DENND5B: variants seen among roughly 807,000 people sequenced by gnomAD.
The protein encoded by DENND5B is DENN domain containing 5B, also known as DENN domain-containing protein 5B.
DENND5B carries 34 observed loss-of-function variants against 140.6 expected under a neutral mutation model. The observed-to-expected ratio is 0.24, with a 90% CI of 0.18 to 0.32. The LOEUF (loss-of-function observed/expected upper bound fraction) is 0.32, where lower values mean the gene tolerates loss of function less well. Ranked by LOEUF, DENND5B falls within the 10% of genes least tolerant of loss-of-function variation. The pLI is 1.00. For missense variants in DENND5B, 1,142 were observed against 1,560.2 expected (o/e 0.73, Z 4.52); for synonymous variants, 551 against 562.1 (o/e 0.98, Z 0.28).
chr12:31,453,428 T>C (rs1944627046), intron 4 of DENND5B, among the ~76,000 whole-genome samples: 1 of 152,210 alleles, frequency 6.6e-6, no homozygotes, highest in Non-Finnish European at 1.5e-5. Flanking sequence ...AAAGTTCTGA[T>C]TATCCCTCAG....
At chr12:31,565,139 G>T (rs989019371) in intron 1 of DENND5B, among the ~76,000 whole-genome samples, 2 of 152,108 alleles carry the variant, frequency 1.3e-5, no homozygotes, top group Non-Finnish European at 2.9e-5. Flanking sequence ...GGGCACAGTG[G>T]CTCATGCCTG....
intron 1 of DENND5B, among the ~76,000 whole-genome samples, chr12:31,528,957 C>T (rs1948182102): frequency 6.6e-6 from 1 of 151,456 alleles, no homozygotes; most frequent in African/African-American, 2.4e-5. Context: ...GGTCAGGAGT[C>T]CAAGAGCAGC....
chr12:31,417,630 C>T (rs1030589566), intron 11 of DENND5B, among the ~76,000 whole-genome samples: 2 of 151,998 alleles, frequency 1.3e-5, no homozygotes, highest in Admixed American at 6.6e-5. Context: ...TTTGTAGAGA[C>T]GGGGTTTTGT....
chr12:31,482,688 C>T (rs1465698932), intron 2 of DENND5B, among the ~76,000 whole-genome samples: 2 of 152,024 alleles, frequency 1.3e-5, no homozygotes, highest in Non-Finnish European at 2.9e-5. Context: ...AAGCAATCCT[C>T]CCGCCTCAGC....
intron 1 of DENND5B, among the ~76,000 whole-genome samples, chr12:31,532,135 A>C (rs918586087): frequency 2.6e-5 from 4 of 152,234 alleles, no homozygotes; most frequent in African/African-American, 7.2e-5. Flanking sequence ...CTGAAGAAAG[A>C]AGCACAGTTT....
intron 1 of DENND5B, among the ~76,000 whole-genome samples, chr12:31,520,694 C>T (rs907270882): frequency 6.6e-6 from 1 of 152,054 alleles, no homozygotes; most frequent in African/African-American, 2.4e-5. Context: ...GTGTGTGCCA[C>T]CATGCCCGGC....
At chr12:31,583,289 C>CT (rs1205799487) in intron 1 of DENND5B, among the ~76,000 whole-genome samples, 14 of 121,844 alleles carry the variant, frequency 1.1e-4, no homozygotes, top group Non-Finnish European at 8.2e-5. Context: ...GAGACTCAGT[C>CT]TTTTAAAAAA....
Position 31,478,588 on chromosome 12 carries a change from C to T in DENND5B, c.904+1001G>A, listed in dbSNP as rs139975315. On this transcript the variant is annotated intron_variant, in intron 3 of 20. Coordinates refer to ENST00000389082, the MANE Select transcript of DENND5B (RefSeq NM_144973.4). ...CGGTGGCACATTCCTATAGTACCAG[C>T]TACTCAGGAGGGTGAGGTGGGAAGA... is the stretch of plus-strand genomic sequence containing the variant. 1.3e-3 allele frequency among the ~76,000 whole-genome samples: 205 copies of T among 152,168 alleles called. 1 individual carries two copies. The highest frequency in any genetic ancestry group is 4.7e-3 in the African/African-American group (196 of 41,510).
chr12:31,558,647 C>G (rs570686000), intron 1 of DENND5B, among the ~76,000 whole-genome samples: 3 of 152,164 alleles, frequency 2.0e-5, no homozygotes, highest in Non-Finnish European at 4.4e-5. Context: ...ATGAAAAATA[C>G]TCATACTGAT....
chr12:31,541,670 C>T (rs891986002), intron 1 of DENND5B, among the ~76,000 whole-genome samples: 2 of 152,130 alleles, frequency 1.3e-5, no homozygotes, highest in South Asian at 4.1e-4. Flanking sequence ...ATAGAGCTAC[C>T]ATATGATCCA....
chr12:31,534,586 A>G (rs951289921), intron 1 of DENND5B: 2 of 162,594 alleles, frequency 1.2e-5, no homozygotes, highest in African/African-American at 4.8e-5. Flanking sequence ...AAAGAACATA[A>G]TAGTAACTAC....
chr12:31,415,042 G>A (rs1459687638), intron 12 of DENND5B, among the ~76,000 whole-genome samples: 2 of 152,076 alleles, frequency 1.3e-5, no homozygotes, highest in African/African-American at 4.8e-5. Flanking sequence ...TTGAGCCTGG[G>A]AAGTTGAGGC....
intron 1 of DENND5B, among the ~76,000 whole-genome samples, chr12:31,537,827 G>A (rs774882942): frequency 2.6e-5 from 4 of 152,086 alleles, no homozygotes; most frequent in Non-Finnish European, 4.4e-5. Context: ...AAAAGACTAG[G>A]AGTAGCTATA....
intron 1 of DENND5B, among the ~76,000 whole-genome samples, chr12:31,526,287 T>C (rs1948081303): frequency 6.6e-6 from 1 of 152,178 alleles, no homozygotes; most frequent in African/African-American, 2.4e-5. Context: ...CCCATTAAAA[T>C]GTCACAAACA....
At chr12:31,470,111 C>CTTTTTTTTTTTTT (rs762346220) in intron 3 of DENND5B, among the ~76,000 whole-genome samples, 1 of 105,942 alleles carries the variant, frequency 9.4e-6, no homozygotes, top group Admixed American at 1.2e-4. Context: ...CCATGTCTGG[C>CTTTTTTTTTTTTT]TTTTTTTTTT....
Position 31,475,216 on chromosome 12 carries a change from T to C in DENND5B, c.904+4373A>G, listed in dbSNP as rs114232399. Among the ~76,000 whole-genome samples, 1,033 of 152,264 alleles carry C rather than the reference T, an allele frequency of 6.8e-3. 13 individuals carry two copies. Among genetic ancestry groups the C allele is most frequent in the African/African-American group, 0.023 (975 of 41,542 alleles). ...CCTTTTTGTAGCACAATTCCTAACA[T>C]AGAGTGATTTTAGTGAATGGTTATA... On this transcript the variant is annotated intron_variant, in intron 3 of 20. Transcript: ENST00000389082.
chr12:31,572,714 G>GA (rs1210637085), intron 1 of DENND5B, among the ~76,000 whole-genome samples: 2 of 152,014 alleles, frequency 1.3e-5, no homozygotes, highest in Non-Finnish European at 2.9e-5. Flanking sequence ...GATTCTCTCT[G>GA]AAAAAAATCT....
At chr12:31,467,603 A>G (rs1242282329) in intron 3 of DENND5B, among the ~76,000 whole-genome samples, 1 of 152,226 alleles carries the variant, frequency 6.6e-6, no homozygotes. Context: ...CCTAGGCAAC[A>G]GAGTGAGACC....
chr12:31,576,156 A>AAAAG (rs1555176281), intron 1 of DENND5B, among the ~76,000 whole-genome samples: 25,388 of 131,074 alleles, frequency 0.19, 3,767 homozygotes, highest in African/African-American at 0.29. Flanking sequence ...AAAAAAAAAA[A>AAAAG]AAGAAGAATG....
Sources: allele counts gnomAD v4.1 joint callset (sites outside exome capture counted in the v4.1 genomes callset), GRCh38; gene constraint gnomAD v4.1.1; transcripts MANE v1.5; gene names NCBI Gene and HGNC (gene_info 2026-07-23, HGNC 2026-07-21).